Variants in GPAT4 observed in about 807,000 individuals in gnomAD.
The protein encoded by GPAT4 is glycerol-3-phosphate acyltransferase 4, also known as 1-AGP acyltransferase 6.
A neutral mutation model predicts 58.0 loss-of-function variants in GPAT4; 17 were observed. The ratio of observed to expected loss-of-function variants is 0.29; its 90% CI spans 0.20 to 0.44. GPAT4 has a LOEUF of 0.44. Among genes scored for constraint, GPAT4 ranks in the 20% least tolerant of loss-of-function variants. GPAT4 has a pLI of 1.00. For synonymous variants in GPAT4, 204 were observed against 210.1 expected, an observed-to-expected ratio of 0.97 and a Z score of 0.25; for missense variants, 377 against 574.5, an observed-to-expected ratio of 0.66 and a Z score of 3.51.
intron 1 of GPAT4, among the ~76,000 whole-genome samples, chr8:41,581,785 C>T (rs570772246): frequency 9.2e-5 from 14 of 151,502 alleles, no homozygotes; most frequent in South Asian, 6.2e-4. Context: ...CCTGCCACCA[C>T]GCCCGGCTAA....
chr8:41,588,756 G>C (rs575614878), intron 1 of GPAT4, among the ~76,000 whole-genome samples: 220 of 152,296 alleles, frequency 1.4e-3, no homozygotes, highest in African/African-American at 4.6e-3. Flanking sequence ...GGCCATTAGG[G>C]AGCCTAAAGG....
chr8:41,597,749 T>C (rs758291922), intron 1 of GPAT4, among the ~76,000 whole-genome samples: 31 of 152,346 alleles, frequency 2.0e-4, no homozygotes, highest in Middle Eastern at 6.8e-3. Flanking sequence ...AGGAGCTCTA[T>C]GTGTATTGAT....
intron 10 of GPAT4, 37 bp downstream of exon 10, chr8:41,615,085 G>A: frequency 6.4e-7 from 1 of 1,555,208 alleles, no homozygotes; most frequent in Non-Finnish European, 8.9e-7. Flanking sequence ...GTCATTACTG[G>A]AGCTGCTGTG....
At chr8:41,592,283 G>T (rs1802810545) in intron 1 of GPAT4, among the ~76,000 whole-genome samples, 1 of 152,106 alleles carries the variant, frequency 6.6e-6, no homozygotes, top group Admixed American at 6.5e-5. Context: ...ATCCAGTGGG[G>T]GCTGTCCAGT....
chr8:41,603,440 C>T (rs574383011), intron 2 of GPAT4, among the ~76,000 whole-genome samples: 3 of 150,618 alleles, frequency 2.0e-5, no homozygotes, highest in South Asian at 4.2e-4. Flanking sequence ...GCAGAAGAAT[C>T]GCTTGAACCC....
intron 10 of GPAT4, among the ~76,000 whole-genome samples, chr8:41,615,615 C>G (rs572374531): frequency 6.6e-6 from 1 of 152,108 alleles, no homozygotes; most frequent in South Asian, 2.1e-4. Flanking sequence ...CTTCAGACAC[C>G]CAGAGCTATA....
chr8:41,608,017 T>A (rs1335221524), intron 2 of GPAT4, among the ~76,000 whole-genome samples: 1 of 152,168 alleles, frequency 6.6e-6, no homozygotes, highest in Non-Finnish European at 1.5e-5. Flanking sequence ...CCATTTTAGG[T>A]ATTATATTAA....
chr8:41,583,911 T>G (rs1195424649), intron 1 of GPAT4, among the ~76,000 whole-genome samples: 3 of 152,210 alleles, frequency 2.0e-5, no homozygotes, highest in Non-Finnish European at 4.4e-5. Flanking sequence ...AGGTTTCATT[T>G]TTTAAGACAG....
chr8:41,621,713 A>G lies in GPAT4; in HGVS notation c.*712A>G. ...GTGTCTCGGTTTCCCCATCTGTAATATGAGTCGGGGGGAATGGTGGTGATT... is the reference window on the plus strand; with the variant it reads ...GTGTCTCGGTTTCCCCATCTGTAATGTGAGTCGGGGGGAATGGTGGTGATT... On this transcript the variant is annotated 3_prime_UTR_variant, in exon 13 of 13. Transcript: ENST00000396987. 1 of 152,468 alleles carries G rather than the reference A, an allele frequency of 6.6e-6. No individual in the cohort carries two copies. Among genetic ancestry groups the G allele is most frequent in the Non-Finnish European group, 1.5e-5 (1 of 68,204 alleles). 9.4% of individuals were successfully genotyped at this position (152,468 alleles called of 1,614,324 possible).
intron 1 of GPAT4, among the ~76,000 whole-genome samples, chr8:41,592,931 T>G (rs1802833043): frequency 6.6e-6 from 1 of 152,188 alleles, no homozygotes; most frequent in African/African-American, 2.4e-5. Context: ...CTTTTTCCTT[T>G]CTGAAGGTGG....
Position 41,591,900 on chromosome 8 carries a change from C to T in GPAT4, c.-848-6392C>T, listed in dbSNP as rs547933578. ...CAATCTATTTTGATAGATAGCATTT[C>T]TCATCTGAGTTTCTTGCCAGGCCAG... On this transcript the variant is annotated intron_variant, in intron 1 of 12. Coordinates refer to ENST00000396987, the MANE Select transcript of GPAT4 (RefSeq NM_178819.4). Among the ~76,000 whole-genome samples the T allele has an allele frequency of 1.6e-4, 24 of 152,354 alleles. No homozygotes were observed. The South Asian group carries it at 4.8e-3, about 30-fold the overall frequency.
rs1433278219 is a variant in GPAT4, at chr8:41,621,835, A to G, written c.*834A>G. The G allele has an allele frequency of 6.6e-6, 1 of 152,262 alleles. No individual in the cohort carries two copies. The highest frequency in any genetic ancestry group is 1.5e-5 in the Non-Finnish European group (1 of 68,072). The allele number at this position is 152,262 out of a possible 1,614,324, so 9.4% of individuals were successfully genotyped here. A position where few individuals can be genotyped will look rare whatever the true frequency, so the allele number is the denominator to read the frequency against. The stretch of plus-strand genomic sequence containing the variant: ...CAAGTACAGGCCCACAAAACGGGGC[A>G]CGGCAGGCCTGAGCTCAGAGCTGCT... On this transcript the variant is annotated 3_prime_UTR_variant, in exon 13 of 13. Coordinates refer to ENST00000396987, the MANE Select transcript of GPAT4 (RefSeq NM_178819.4).
chr8:41,619,111 C>A, intron 12 of GPAT4, 134 bp downstream of exon 12: 2 of 1,093,200 alleles, frequency 1.8e-6, no homozygotes, highest in Non-Finnish European at 2.6e-6. Flanking sequence ...TGACTCTCCC[C>A]GAATTCCAAC....
intron 1 of GPAT4, among the ~76,000 whole-genome samples, chr8:41,596,926 C>T (rs144536182): frequency 3.5e-4 from 53 of 152,246 alleles, no homozygotes; most frequent in African/African-American, 1.2e-3. Context: ...CAAGGGGGTC[C>T]GCATGAGAGG....
chr8:41,588,382 G>T (rs1290396170), intron 1 of GPAT4, among the ~76,000 whole-genome samples: 1 of 152,184 alleles, frequency 6.6e-6, no homozygotes, highest in Admixed American at 6.5e-5. Flanking sequence ...AGTGATAATA[G>T]TCCCAGTCCA....
At chr8:41,615,636 A>T (rs1423612597) in intron 10 of GPAT4, among the ~76,000 whole-genome samples, 1 of 152,166 alleles carries the variant, frequency 6.6e-6, no homozygotes, top group Non-Finnish European at 1.5e-5. Context: ...GGATGTGATT[A>T]GCTAGTCATC....
At chr8:41,597,944 G>A (rs1482871659) in intron 1 of GPAT4, among the ~76,000 whole-genome samples, 1 of 152,314 alleles carries the variant, frequency 6.6e-6, no homozygotes, top group Non-Finnish European at 1.5e-5. Flanking sequence ...GCATCTGTGC[G>A]GAACCACTCT....
At chr8:41,605,476 C>T (rs994669092) in intron 2 of GPAT4, among the ~76,000 whole-genome samples, 1 of 152,180 alleles carries the variant, frequency 6.6e-6, no homozygotes, top group East Asian at 1.9e-4. Flanking sequence ...AGCAAAAACA[C>T]GGCGCATGGA....
chr8:41,593,774 A>G (rs1802854477), intron 1 of GPAT4, among the ~76,000 whole-genome samples: 1 of 152,184 alleles, frequency 6.6e-6, no homozygotes, highest in African/African-American at 2.4e-5. Context: ...GTGCTAAAAG[A>G]CTTTTAGTTT....
Sources: allele counts gnomAD v4.1 joint callset (sites outside exome capture counted in the v4.1 genomes callset), GRCh38; gene constraint gnomAD v4.1.1; transcripts MANE v1.5; gene names NCBI Gene and HGNC (gene_info 2026-07-23, HGNC 2026-07-21).